The following PLAC1 variants were observed in gnomAD, a reference collection of about 807,000 sequenced individuals.
The protein encoded by PLAC1 is placenta-specific protein 1.
For missense variants in PLAC1, 136 were observed against 163.2 expected, an observed-to-expected ratio of 0.83 and a Z score of 0.91; for synonymous variants, 68 against 62.1, an observed-to-expected ratio of 1.09 and a Z score of -0.44.
At chrX:134,673,657 G>A (rs191582214) in intron 2 of PLAC1, among the ~76,000 whole-genome samples, 16 of 111,455 alleles carry the variant, frequency 1.4e-4, no homozygotes, top group Non-Finnish European at 2.8e-4. Flanking sequence ...CTCCCTCACA[G>A]AGAGATGGAA....
At chrX:134,623,842 A>G (rs2078223045) in intron 1 of PLAC1, among the ~76,000 whole-genome samples, 1 of 112,256 alleles carries the variant, frequency 8.9e-6, no homozygotes, top group Admixed American at 9.5e-5. Flanking sequence ...TTGACTTTAC[A>G]ACACCGGAAA....
chrX:134,706,155 C>G (rs1293370781), intron 2 of PLAC1, among the ~76,000 whole-genome samples: 1 of 112,580 alleles, frequency 8.9e-6, no homozygotes. Context: ...GAACAGAACA[C>G]CTTTAACAAT....
Position 134,566,499 on chromosome X carries a change from G to A in PLAC1, c.184C>T (p.Pro62Ser), listed in dbSNP as rs1313935634. 1.7e-6 allele frequency: 2 copies of A among 1,211,528 alleles called. No individual in the cohort carries two copies. The highest frequency in any genetic ancestry group is 1.8e-5 in the South Asian group (1 of 57,008). Residue 62 changes from proline to serine, a missense_variant, in exon 3 of 3, where the codon CCC becomes TCC. Pro to Ser is a moderately conservative substitution (Grantham distance 74). Transcript: ENST00000359237. ...FHELHLGLGC[P>S]PNHVQPHAYQ... ...GCGTGTGGCTGAACATGGTTTGGGG[G>A]GCAACCCAGGCCCAAGTGTAGTTCA...
intron 2 of PLAC1, among the ~76,000 whole-genome samples, chrX:134,692,054 A>C (rs931228362): frequency 8.9e-6 from 1 of 112,172 alleles, no homozygotes; most frequent in Admixed American, 9.4e-5. Flanking sequence ...TGGACAAATG[A>C]AGATTTGTCA....
intron 1 of PLAC1, among the ~76,000 whole-genome samples, chrX:134,655,306 G>T (rs956835939): frequency 9.9e-6 from 1 of 100,619 alleles, no homozygotes; most frequent in African/African-American, 3.8e-5. Flanking sequence ...TTGCTGTGTA[G>T]TTCTGTTTCT....
intron 1 of PLAC1, among the ~76,000 whole-genome samples, chrX:134,655,601 C>T (rs968608043): frequency 8.9e-6 from 1 of 111,960 alleles, no homozygotes; most frequent in Admixed American, 9.5e-5. Flanking sequence ...TTGTGTATTG[C>T]ATCTACTTAT....
intron 1 of PLAC1, among the ~76,000 whole-genome samples, chrX:134,763,589 G>A (rs1350393390): frequency 9.0e-6 from 1 of 110,913 alleles, no homozygotes; most frequent in Non-Finnish European, 1.9e-5. Context: ...GGGAGGCCGA[G>A]GCAGGCGGAT....
chrX:134,676,591 C>T (rs1471505108), intron 2 of PLAC1, among the ~76,000 whole-genome samples: 1 of 112,256 alleles, frequency 8.9e-6, no homozygotes, highest in Non-Finnish European at 1.9e-5. Flanking sequence ...CTTCTTGTGA[C>T]TTAACTTTTA....
intron 2 of PLAC1, among the ~76,000 whole-genome samples, chrX:134,567,028 C>G (rs2077880412): frequency 8.9e-6 from 1 of 112,086 alleles, no homozygotes; most frequent in Admixed American, 9.5e-5. Context: ...TGTGTTTAAC[C>G]TCAAGATGAA....
chrX:134,566,110 T>G lies in PLAC1; in HGVS notation c.573A>C (p.Pro191=), dbSNP rs1325133362. 2 of 1,207,726 alleles carry G rather than the reference T, an allele frequency of 1.7e-6. No homozygotes were observed. Among genetic ancestry groups the G allele is most frequent in the African/African-American group, 3.5e-5 (2 of 57,217 alleles). Residue 191 remains proline (P), a synonymous_variant, in exon 3 of 3, where the codon CCA becomes CCC. Coordinates refer to ENST00000359237, the MANE Select transcript of PLAC1 (RefSeq NM_021796.4). ...AGAQEAQPLQ[P]SHFLDISEDW... The stretch of plus-strand genomic sequence containing the variant: ...CCTCAGAAATATCAAGAAAGTGAGA[T>G]GGCTGCAGAGGTTGAGCCTCCTGAG...
intron 2 of PLAC1, 50 bp from the exon 3 acceptor site, chrX:134,566,790 A>G: frequency 1.6e-6 from 1 of 610,151 alleles, no homozygotes; most frequent in South Asian, 3.3e-5. Flanking sequence ...TTCTATTGAA[A>G]GTTCAAACAT....
intron 1 of PLAC1, among the ~76,000 whole-genome samples, chrX:134,639,199 T>C (rs958849136): frequency 2.7e-5 from 3 of 111,778 alleles, no homozygotes; most frequent in Non-Finnish European, 5.6e-5. Flanking sequence ...TTCTGACGAC[T>C]CTCCTCAAAA....
intron 1 of PLAC1, among the ~76,000 whole-genome samples, chrX:134,734,876 C>A (rs896592293): frequency 9.0e-6 from 1 of 110,622 alleles, no homozygotes; most frequent in Non-Finnish European, 1.9e-5. Flanking sequence ...CACCTCCCAC[C>A]CCCTGGACTG....
At chrX:134,676,269 G>C (rs1177026175) in intron 2 of PLAC1, among the ~76,000 whole-genome samples, 3 of 111,381 alleles carry the variant, frequency 2.7e-5, no homozygotes, top group Non-Finnish European at 5.7e-5. Context: ...TCTCAGTGGG[G>C]GCTGGCGGGA....
intron 2 of PLAC1, among the ~76,000 whole-genome samples, chrX:134,687,916 GTTA>G (rs1247953568): frequency 3.4e-5 from 3 of 89,496 alleles, no homozygotes; most frequent in Non-Finnish European, 6.3e-5. Flanking sequence ...ATACACAATC[GTTA>G]TTATGAGTCT....
chrX:134,740,337 T>G (rs1173726344), intron 1 of PLAC1, among the ~76,000 whole-genome samples: 2 of 102,630 alleles, frequency 1.9e-5, no homozygotes, highest in South Asian at 8.3e-4. Context: ...AAAAAAAAAC[T>G]AATTCAATAG....
chrX:134,580,205 G>C (rs1029300710), intron 2 of PLAC1, among the ~76,000 whole-genome samples: 4 of 112,304 alleles, frequency 3.6e-5, no homozygotes, highest in African/African-American at 1.3e-4. Context: ...CAGAAACTGG[G>C]TCCACCCACT....
rs369579043 is a variant in PLAC1, at chrX:134,656,886, C to CT, written c.-131+1441dup. Among the ~76,000 whole-genome samples, 566 of 108,628 alleles carry CT rather than the reference C, an allele frequency of 5.2e-3. 3 individuals carry two copies. Among genetic ancestry groups the CT allele is most frequent in the African/African-American group, 0.017 (513 of 29,959 alleles). 94.3% of individuals were successfully genotyped at this position (108,628 alleles called of 115,157 possible). On this transcript the variant is annotated intron_variant, in intron 1 of 2. Transcript: ENST00000359237. ...ACAGAAATGAACCACCATGCCCAGC[C>CT]TTTTTTTTTTCTTTTTTAACATTTG...
chrX:134,591,022 G>C (rs931388836), intron 2 of PLAC1, among the ~76,000 whole-genome samples: 1 of 111,572 alleles, frequency 9.0e-6, no homozygotes, highest in Non-Finnish European at 1.9e-5. Context: ...GCACTACAGA[G>C]CTGGAGCCCA....
Sources: gnomAD v4.1 joint callset for allele counts (sites outside exome capture counted in the v4.1 genomes callset) on GRCh38, gnomAD v4.1.1 for gene constraint, MANE v1.5 for transcripts, NCBI Gene and HGNC (gene_info 2026-07-23, HGNC 2026-07-21) for gene names.